The following RIMS2 variants were observed in gnomAD, a reference collection of about 807,000 sequenced individuals.
The protein encoded by RIMS2 is regulating synaptic membrane exocytosis 2.
Under a neutral mutation model 174.4 loss-of-function variants are expected in RIMS2, and 59 were observed. That is an observed-to-expected ratio of 0.34 (90% confidence interval 0.27 to 0.42). RIMS2 has a LOEUF of 0.42. Ranked by LOEUF, RIMS2 falls within the 10% of genes least tolerant of loss-of-function variation. The pLI is 1.00. For missense variants in RIMS2, 1,620 were observed against 1,666.3 expected, an observed-to-expected ratio of 0.97 and a Z score of 0.48; for synonymous variants, 606 against 572.5, an observed-to-expected ratio of 1.06 and a Z score of -0.84.
intron 14 of RIMS2, among the ~76,000 whole-genome samples, chr8:103,957,479 C>T (rs1488069962): frequency 6.6e-6 from 1 of 152,096 alleles, no homozygotes; most frequent in Non-Finnish European, 1.5e-5. Flanking sequence ...GCATTGGAAA[C>T]CATCATTCTC....
Position 103,916,543 on chromosome 8 carries a change from T to C in RIMS2, c.2036+6T>C, listed in dbSNP as rs1378900257. 4.4e-6 allele frequency: 7 copies of C among 1,599,820 alleles called. No individual in the cohort carries two copies. Among genetic ancestry groups the C allele is most frequent in the African/African-American group, 1.3e-5 (1 of 74,178 alleles). On this transcript the variant is annotated splice_donor_region_variant and intron_variant, in intron 8 of 23. Coordinates refer to ENST00000504942, the Ensembl canonical transcript of RIMS2. Reference sequence around the variant, plus strand: ...GTAGTTTCAAGGCCTATTGGGTAAGTTGGTTTCAGTATTTTATATGTGTGT... The same window carrying C: ...GTAGTTTCAAGGCCTATTGGGTAAGCTGGTTTCAGTATTTTATATGTGTGT...
At position 104,180,171 on chromosome 8, in the gene RIMS2, A is replaced by G. The variant is rs188909632; in HGVS notation, c.3335-64745A>G. Among the ~76,000 whole-genome samples the G allele has an allele frequency of 3.8e-4, 58 of 151,916 alleles. 1 individual carries two copies. Among genetic ancestry groups the G allele is most frequent in the African/African-American group, 1.4e-3 (57 of 41,540 alleles). ...AAACTTGTACTGACCTAATGTATGTATGATTTATCTGTAGGATAATTTCTG... is the reference window on the plus strand; with the variant it reads ...AAACTTGTACTGACCTAATGTATGTGTGATTTATCTGTAGGATAATTTCTG... On this transcript the variant is annotated intron_variant, in intron 19 of 23. Coordinates refer to ENST00000504942, the Ensembl canonical transcript of RIMS2.
At chr8:103,707,435 G>T (rs1316017669) in intron 2 of RIMS2, among the ~76,000 whole-genome samples, 1 of 151,980 alleles carries the variant, frequency 6.6e-6, no homozygotes, top group Non-Finnish European at 1.5e-5. Flanking sequence ...TAATTGTTAA[G>T]GGTACTGAGT....
At chr8:103,732,346 C>G (rs1369425048) in intron 2 of RIMS2, among the ~76,000 whole-genome samples, 1 of 152,184 alleles carries the variant, frequency 6.6e-6, no homozygotes, top group Non-Finnish European at 1.5e-5. Context: ...AGGGGTGACA[C>G]AAGCACTCCT....
chr8:103,710,897 C>G (rs1160112544), intron 2 of RIMS2, among the ~76,000 whole-genome samples: 1 of 151,812 alleles, frequency 6.6e-6, no homozygotes, highest in Non-Finnish European at 1.5e-5. Context: ...TATACATTGC[C>G]AATTTGGGGG....
intron 2 of RIMS2, among the ~76,000 whole-genome samples, chr8:103,725,323 AC>A (rs2097514264): frequency 6.6e-6 from 1 of 152,156 alleles, no homozygotes; most frequent in Non-Finnish European, 1.5e-5. Context: ...TGTGCCTAGC[AC>A]CACATCAAGA....
intron 1 of RIMS2, among the ~76,000 whole-genome samples, chr8:103,610,857 G>A (rs2095344197): frequency 6.6e-6 from 1 of 152,110 alleles, no homozygotes; most frequent in Non-Finnish European, 1.5e-5. Flanking sequence ...AGTTCGAGAG[G>A]AGTTCATTCA....
chr8:104,032,691 G>T (rs2096423420), intron 19 of RIMS2, among the ~76,000 whole-genome samples: 1 of 151,910 alleles, frequency 6.6e-6, no homozygotes, highest in Admixed American at 6.6e-5. Flanking sequence ...TTTTACTAAT[G>T]ATATTATAAT....
intron 1 of RIMS2, among the ~76,000 whole-genome samples, chr8:103,684,865 GCATGAGC>G (rs2096923057): frequency 6.6e-6 from 1 of 152,016 alleles, no homozygotes; most frequent in South Asian, 2.1e-4. Context: ...GGGATTACAG[GCATGAGC>G]CACTTCACCT....
intron 1 of RIMS2, among the ~76,000 whole-genome samples, chr8:103,651,082 AGT>A (rs2096443309): frequency 6.6e-6 from 1 of 152,180 alleles, no homozygotes; most frequent in Non-Finnish European, 1.5e-5. Context: ...CACATAGCTC[AGT>A]GTATTGGACC....
At chr8:103,715,217 T>C (rs564613623) in intron 2 of RIMS2, among the ~76,000 whole-genome samples, 12 of 152,288 alleles carry the variant, frequency 7.9e-5, no homozygotes, top group South Asian at 6.2e-4. Flanking sequence ...GTTTGTTACA[T>C]AGGTAAATGT....
At chr8:103,999,171 T>G (rs1163201021) in intron 17 of RIMS2, among the ~76,000 whole-genome samples, 1 of 151,778 alleles carries the variant, frequency 6.6e-6, no homozygotes, top group Non-Finnish European at 1.5e-5. Flanking sequence ...TGTGACTTCC[T>G]TCATCCCTAT....
At chr8:103,915,668 A>G (rs868334099) in intron 7 of RIMS2, 74 bp downstream of exon 10, 19 of 667,820 alleles carry the variant, frequency 2.8e-5, no homozygotes, top group African/African-American at 9.3e-5. Flanking sequence ...TCATTTATTT[A>G]GAAGTGATTT....
chr8:103,559,412 C>T (rs372157131), intron 1 of RIMS2: 210 of 353,564 alleles, frequency 5.9e-4, no homozygotes, highest in African/African-American at 4.4e-3. Context: ...GCCAGTGATC[C>T]GATGCAGGGG....
At chr8:104,070,477 T>C (rs1161784087) in intron 19 of RIMS2, among the ~76,000 whole-genome samples, 1 of 152,220 alleles carries the variant, frequency 6.6e-6, no homozygotes, top group Non-Finnish European at 1.5e-5. Context: ...TATAATGCTA[T>C]AATATTTTAG....
chr8:103,595,784 T>C (rs1387245644), intron 1 of RIMS2, among the ~76,000 whole-genome samples: 1 of 151,964 alleles, frequency 6.6e-6, no homozygotes, highest in Admixed American at 6.6e-5. Flanking sequence ...ACCCTCCAAA[T>C]AGTATGGTAT....
chr8:103,538,927 A>G (rs1227208312), intron 1 of RIMS2, among the ~76,000 whole-genome samples: 1 of 152,254 alleles, frequency 6.6e-6, no homozygotes, highest in Non-Finnish European at 1.5e-5. Flanking sequence ...AATAGTTTCT[A>G]ATCTCATCCT....
At chr8:104,255,966 G>A (rs2099366885), downstream of RIMS2, 1 of 152,166 alleles carries the variant, frequency 6.6e-6, no homozygotes, top group African/African-American at 2.4e-5. Context: ...GGAGTTTGAG[G>A]TAGATTCTCA....
chr8:103,643,176 A>T (rs1273560838), intron 1 of RIMS2, among the ~76,000 whole-genome samples: 1 of 151,866 alleles, frequency 6.6e-6, no homozygotes, highest in Non-Finnish European at 1.5e-5. Context: ...TTTTTTGGCC[A>T]AGTCTACTGC....
Sources: gnomAD v4.1 joint callset for allele counts (sites outside exome capture counted in the v4.1 genomes callset) on GRCh38, gnomAD v4.1.1 for gene constraint, MANE v1.5 for transcripts, NCBI Gene and HGNC (gene_info 2026-07-23, HGNC 2026-07-21) for gene names.